SLC16A12: variants seen among roughly 807,000 people sequenced by gnomAD.
SLC16A12 encodes the protein monocarboxylate transporter 12.
Under a neutral mutation model 42.4 loss-of-function variants are expected in SLC16A12, and 17 were observed. The observed-to-expected ratio is 0.40, with a 90% confidence interval of 0.27 to 0.60. SLC16A12 has a LOEUF of 0.60. Among genes scored for constraint, SLC16A12 ranks in the 20% least tolerant of loss-of-function variants. The pLI is 0.42. For missense variants in SLC16A12, 544 were observed against 623.0 expected, an observed-to-expected ratio of 0.87 and a Z score of 1.35; for synonymous variants, 224 against 229.4, an observed-to-expected ratio of 0.98 and a Z score of 0.21.
At chr10:89,509,415 C>A (rs1371605491) in intron 2 of SLC16A12, among the ~76,000 whole-genome samples, 1 of 152,166 alleles carries the variant, frequency 6.6e-6, no homozygotes, top group African/African-American at 2.4e-5. Flanking sequence ...TGGCTTCATC[C>A]CTTGGATGCA....
chr10:89,474,586 C>A (rs189801661), intron 2 of SLC16A12, among the ~76,000 whole-genome samples: 2 of 152,064 alleles, frequency 1.3e-5, no homozygotes, highest in African/African-American at 4.8e-5. Context: ...AACTAGAAAA[C>A]GAACAGTATT....
chr10:89,459,114 T>G (rs755654787), intron 3 of SLC16A12, among the ~76,000 whole-genome samples: 32 of 152,222 alleles, frequency 2.1e-4, no homozygotes, highest in Non-Finnish European at 3.8e-4. Context: ...ATATACATTT[T>G]ATGAGAAGAA....
intron 3 of SLC16A12, among the ~76,000 whole-genome samples, chr10:89,448,601 G>A (rs1450271548): frequency 2.0e-5 from 3 of 152,140 alleles, no homozygotes; most frequent in Non-Finnish European, 4.4e-5. Context: ...TTGATGGAAT[G>A]TATCTCAAAA....
intron 2 of SLC16A12, among the ~76,000 whole-genome samples, chr10:89,510,802 G>C (rs1374068046): frequency 6.6e-6 from 1 of 152,090 alleles, no homozygotes; most frequent in Non-Finnish European, 1.5e-5. Flanking sequence ...GCAACCTACA[G>C]AATGGGATAA....
intron 2 of SLC16A12, among the ~76,000 whole-genome samples, chr10:89,493,219 C>CTTTTTTTTTTT (rs35163833): frequency 7.1e-6 from 1 of 140,586 alleles, no homozygotes; most frequent in African/African-American, 2.6e-5. Context: ...TTTTTTCTTT[C>CTTTTTTTTTTT]TTTTTTTTTT....
chr10:89,547,719 A>G (rs1302724144), intron 2 of SLC16A12, among the ~76,000 whole-genome samples: 1 of 152,186 alleles, frequency 6.6e-6, no homozygotes, highest in Non-Finnish European at 1.5e-5. Context: ...GGTGGAGGCC[A>G]GGCACAGTGG....
rs1451636576 is a variant in SLC16A12 at position 89,432,032 on chromosome 10, A to G, written c.*1032T>C. 1 of 152,612 alleles carries G rather than the reference A, an allele frequency of 6.6e-6. No homozygotes were observed. The highest frequency in any genetic ancestry group is 1.5e-5 in the Non-Finnish European group (1 of 68,026). The allele number at this position is 152,612 out of a possible 1,614,324, so 9.5% of individuals were successfully genotyped here. On this transcript the variant is annotated 3_prime_UTR_variant, in exon 8 of 8. Coordinates refer to ENST00000371790, the MANE Select transcript of SLC16A12 (RefSeq NM_213606.4). ...CAATCCTCTTTTGGGTAATGATAAA[A>G]CTAAATGTCTGATCTGCAAAGAAAA...
intron 6 of SLC16A12, among the ~76,000 whole-genome samples, chr10:89,437,894 C>A (rs978804872): frequency 1.3e-5 from 2 of 152,184 alleles, no homozygotes; most frequent in Non-Finnish European, 1.5e-5. Context: ...TCTAAGCCTG[C>A]AATTACAAGG....
At chr10:89,536,768 T>C (rs1298607155), upstream of SLC16A12, among the ~76,000 whole-genome samples, 1 of 152,176 alleles carries the variant, frequency 6.6e-6, no homozygotes, top group Non-Finnish European at 1.5e-5. Flanking sequence ...AGAATCTGCA[T>C]TTTTTGCAAG....
chr10:89,504,420 C>T (rs1421197079), intron 2 of SLC16A12, among the ~76,000 whole-genome samples: 1 of 152,130 alleles, frequency 6.6e-6, no homozygotes, highest in African/African-American at 2.4e-5. Context: ...TTCATCTGGC[C>T]CATAATCAAA....
chr10:89,526,527 G>GA (rs1477937465), intron 2 of SLC16A12, among the ~76,000 whole-genome samples: 7 of 152,348 alleles, frequency 4.6e-5, no homozygotes, highest in African/African-American at 1.7e-4. Context: ...GTCGTAGCTT[G>GA]AAACAATTAG....
Position 89,432,836 on chromosome 10 carries a change from T to C in SLC16A12, c.*228A>G, listed in dbSNP as rs1841713717. On this transcript the variant is annotated 3_prime_UTR_variant, in exon 8 of 8. Transcript: ENST00000371790. ...AGAGCTATGCCCATTGACCAAAAGA[T>C]ACGAGTTCAGTTATGAGCACAAATC... The C allele has an allele frequency of 1.9e-6, 1 of 536,810 alleles. No individual in the cohort carries two copies. Among genetic ancestry groups the C allele is most frequent in the Non-Finnish European group, 3.2e-6 (1 of 310,320 alleles). 33.3% of individuals were successfully genotyped at this position (536,810 alleles called of 1,614,324 possible).
At chr10:89,434,136 G>A (rs1841737972) in intron 7 of SLC16A12, among the ~76,000 whole-genome samples, 2 of 152,124 alleles carry the variant, frequency 1.3e-5, no homozygotes, top group African/African-American at 4.8e-5. Flanking sequence ...GCATGTAGAA[G>A]TTGTTATAAG....
chr10:89,556,379 A>C (rs189268159), intron 1 of SLC16A12: 2 of 152,234 alleles, frequency 1.3e-5, no homozygotes, highest in Non-Finnish European at 2.9e-5. Flanking sequence ...CTATCAATCT[A>C]TCTCTCTATC....
chr10:89,505,327 A>G (rs900774681), intron 2 of SLC16A12, among the ~76,000 whole-genome samples: 2 of 152,104 alleles, frequency 1.3e-5, no homozygotes, highest in Non-Finnish European at 2.9e-5. Flanking sequence ...AGGCAGGAGA[A>G]TCTCTTAAAC....
At position 89,492,455 on chromosome 10, in the gene SLC16A12, C is replaced by T. The variant is rs554551695; in HGVS notation, c.-46-29831G>A. 3.2e-4 allele frequency among the ~76,000 whole-genome samples: 49 copies of T among 152,122 alleles called. No homozygotes were observed. In the South Asian group the frequency reaches 7.9e-3, roughly 25 times the overall value. ...AAAAAAATAGCTATAAGTAGCTGGG[C>T]GCAGTGGCTCACACCTGTAATCCCA... is the stretch of plus-strand genomic sequence containing the variant. On this transcript the variant is annotated intron_variant, in intron 2 of 7. Transcript: ENST00000371790.
intron 3 of SLC16A12, among the ~76,000 whole-genome samples, chr10:89,446,509 A>C (rs926975619): frequency 6.6e-6 from 1 of 152,230 alleles, no homozygotes; most frequent in Non-Finnish European, 1.5e-5. Context: ...GGCCAAACTA[A>C]GCTTCATAAG....
At chr10:89,537,066 T>C (rs573887818), upstream of SLC16A12, among the ~76,000 whole-genome samples, 2 of 151,814 alleles carry the variant, frequency 1.3e-5, no homozygotes, top group East Asian at 3.9e-4. Context: ...CTCGAACTCC[T>C]GACCTCATGA....
At chr10:89,554,854 C>T (rs902512466) in intron 2 of SLC16A12, among the ~76,000 whole-genome samples, 2 of 152,152 alleles carry the variant, frequency 1.3e-5, no homozygotes, top group African/African-American at 4.8e-5. Flanking sequence ...TCTGAATTTC[C>T]ACTAGATAAT....
Sources: allele counts gnomAD v4.1 joint callset (sites outside exome capture counted in the v4.1 genomes callset), GRCh38; gene constraint gnomAD v4.1.1; transcripts MANE v1.5; gene names NCBI Gene and HGNC (gene_info 2026-07-23, HGNC 2026-07-21).